Variants in PPARGC1A observed in about 807,000 individuals in gnomAD.
PPARGC1A encodes peroxisome proliferator-activated receptor gamma coactivator 1-alpha.
Under a neutral mutation model 88.7 loss-of-function variants are expected in PPARGC1A, and 25 were observed. The observed-to-expected ratio is 0.28, with a 90% CI of 0.21 to 0.39. The LOEUF is 0.39. Among genes scored for constraint, PPARGC1A ranks in the 10% least tolerant of loss-of-function variants. The pLI, the probability that PPARGC1A is intolerant of heterozygous loss-of-function variation, is 1.00. For missense variants in PPARGC1A, 880 were observed against 968.7 expected (o/e 0.91, Z 1.22); for synonymous variants, 363 against 355.6 (o/e 1.02, Z -0.24).
intron 2 of PPARGC1A, among the ~76,000 whole-genome samples, chr4:23,834,884 TA>T (rs1312696662): frequency 1.3e-5 from 2 of 152,178 alleles, no homozygotes; most frequent in African/African-American, 4.8e-5. Context: ...TACATGTATT[TA>T]AAAAATCATC....
At chr4:23,873,039 A>C (rs1713777263) in intron 2 of PPARGC1A, among the ~76,000 whole-genome samples, 1 of 151,650 alleles carries the variant, frequency 6.6e-6, no homozygotes, top group Non-Finnish European at 1.5e-5. Flanking sequence ...AAATACAAAA[A>C]AAAAATTAGC....
the PPARGC1A span, among the ~76,000 whole-genome samples, chr4:24,138,113 T>TG: frequency 6.6e-6 from 1 of 152,176 alleles, no homozygotes; most frequent in East Asian, 1.9e-4. Context: ...CTGGTCTGTG[T>TG]GCTCACCAGA....
At chr4:24,391,210 G>A in the PPARGC1A span, among the ~76,000 whole-genome samples, 36 of 151,960 alleles carry the variant, frequency 2.4e-4, no homozygotes, top group African/African-American at 7.7e-4. Context: ...AGTGATCTCC[G>A]CAAAATTTGA....
the PPARGC1A span, among the ~76,000 whole-genome samples, chr4:24,184,930 G>A: frequency 1.3e-5 from 2 of 152,188 alleles, no homozygotes; most frequent in African/African-American, 4.8e-5. Context: ...TCAGAAAGAG[G>A]AGAGGTGTGT....
the PPARGC1A span, among the ~76,000 whole-genome samples, chr4:24,227,532 CAAAT>C: frequency 2.0e-5 from 3 of 152,150 alleles, no homozygotes; most frequent in Non-Finnish European, 2.9e-5. Flanking sequence ...ATTAAATAAA[CAAAT>C]AAATAAGTAA....
chr4:23,928,514 G>A, the PPARGC1A span, among the ~76,000 whole-genome samples: 40 of 152,088 alleles, frequency 2.6e-4, no homozygotes, highest in Non-Finnish European at 1.3e-4. Context: ...ATGTAAATTA[G>A]TTCCACCATT....
the PPARGC1A span, among the ~76,000 whole-genome samples, chr4:24,007,056 TTTAA>T: frequency 6.6e-6 from 1 of 152,174 alleles, no homozygotes; most frequent in African/African-American, 2.4e-5. Flanking sequence ...TATGTCATAG[TTTAA>T]TTGTCAGTGT....
the PPARGC1A span, among the ~76,000 whole-genome samples, chr4:24,063,011 A>G: frequency 6.6e-6 from 1 of 152,158 alleles, no homozygotes; most frequent in African/African-American, 2.4e-5. Context: ...CTTCTCTAAA[A>G]TCCTCAAGAC....
chr4:24,141,506 C>A, the PPARGC1A span, among the ~76,000 whole-genome samples: 330 of 152,302 alleles, frequency 2.2e-3, 1 homozygote, highest in African/African-American at 7.4e-3. Flanking sequence ...GTAGGGACTA[C>A]AAACAAAGTG....
the PPARGC1A span, among the ~76,000 whole-genome samples, chr4:24,419,515 G>T: frequency 6.7e-6 from 1 of 149,726 alleles, no homozygotes; most frequent in Non-Finnish European, 1.5e-5. Flanking sequence ...ACACAGAGAT[G>T]AAAAGGCTGC....
At chr4:23,973,797 T>C in the PPARGC1A span, among the ~76,000 whole-genome samples, 4 of 152,248 alleles carry the variant, frequency 2.6e-5, no homozygotes, top group Admixed American at 2.6e-4. Flanking sequence ...ACATCATTGG[T>C]AAAGGACACT....
At chr4:23,867,340 A>C (rs1712247288) in intron 2 of PPARGC1A, among the ~76,000 whole-genome samples, 1 of 152,204 alleles carries the variant, frequency 6.6e-6, no homozygotes. Flanking sequence ...TATTATGCGC[A>C]CTTAAATTAG....
chr4:24,363,891 C>T, the PPARGC1A span, among the ~76,000 whole-genome samples: 1 of 152,162 alleles, frequency 6.6e-6, no homozygotes, highest in Non-Finnish European at 1.5e-5. Context: ...CCATGACTGC[C>T]TTTATGAGTA....
At chr4:24,075,718 G>C in the PPARGC1A span, among the ~76,000 whole-genome samples, 1 of 152,040 alleles carries the variant, frequency 6.6e-6, no homozygotes, top group African/African-American at 2.4e-5. Context: ...CTCTTTCCTT[G>C]ACTGCCACCA....
At chr4:23,982,400 A>C in the PPARGC1A span, among the ~76,000 whole-genome samples, 1 of 152,106 alleles carries the variant, frequency 6.6e-6, no homozygotes, top group African/African-American at 2.4e-5. Flanking sequence ...GGAGCGAAAA[A>C]TAAGACAACG....
the PPARGC1A span, among the ~76,000 whole-genome samples, chr4:23,920,223 T>G: frequency 2.6e-5 from 4 of 152,152 alleles, no homozygotes; most frequent in Admixed American, 6.5e-5. Context: ...TATAACAGTA[T>G]GGGTTAAGAT....
chr4:24,196,432 C>G, the PPARGC1A span, among the ~76,000 whole-genome samples: 8 of 152,210 alleles, frequency 5.3e-5, no homozygotes, highest in African/African-American at 1.9e-4. Flanking sequence ...AGAGATCTAG[C>G]ATTTTGGAAA....
At chr4:24,324,913 G>T in the PPARGC1A span, among the ~76,000 whole-genome samples, 3 of 151,928 alleles carry the variant, frequency 2.0e-5, no homozygotes, top group Non-Finnish European at 1.5e-5. Context: ...CCCAAGCTAG[G>T]TCCCAATAAT....
intron 2 of PPARGC1A, among the ~76,000 whole-genome samples, chr4:23,856,235 C>G (rs570876890): frequency 6.6e-6 from 1 of 152,306 alleles, no homozygotes; most frequent in African/African-American, 2.4e-5. Flanking sequence ...ATTGCAAATG[C>G]CAAACGCTGA....
Sources: gnomAD v4.1 joint callset for allele counts (sites outside exome capture counted in the v4.1 genomes callset) on GRCh38, gnomAD v4.1.1 for gene constraint, MANE v1.5 for transcripts, NCBI Gene and HGNC (gene_info 2026-07-23, HGNC 2026-07-21) for gene names.